Variants in TBCCD1 observed in about 807,000 individuals in gnomAD.
TBCCD1 encodes the protein TBCC domain-containing protein 1.
Under a neutral mutation model 53.4 loss-of-function variants are expected in TBCCD1, and 26 were observed. The ratio of observed to expected loss-of-function variants is 0.49; its 90% CI spans 0.36 to 0.68. The LOEUF is 0.68. Among genes scored for constraint, TBCCD1 ranks in the 30% least tolerant of loss-of-function variants. TBCCD1 has a pLI of 0.00. For synonymous variants in TBCCD1, 245 were observed against 241.7 expected, an observed-to-expected ratio of 1.01 and a Z score of -0.13; for missense variants, 558 against 669.5, an observed-to-expected ratio of 0.83 and a Z score of 1.84.
chr3:186,547,065 ATAGAT>A (rs1299564715), intron 7 of TBCCD1, 110 bp from the exon 8 acceptor site: 1 of 152,192 alleles, frequency 6.6e-6, no homozygotes, highest in Non-Finnish European at 1.5e-5. Context: ...AGGTCAAATG[ATAGAT>A]TAGAGTGATA....
chr3:186,561,040 G>T (rs1391432313), intron 2 of TBCCD1, among the ~76,000 whole-genome samples: 1 of 152,160 alleles, frequency 6.6e-6, no homozygotes, highest in African/African-American at 2.4e-5. Context: ...TAAGGAAAAA[G>T]CTCCTTGACA....
chr3:186,552,076 T>C (rs921658796), intron 6 of TBCCD1, among the ~76,000 whole-genome samples: 3 of 151,932 alleles, frequency 2.0e-5, no homozygotes, highest in Admixed American at 1.3e-4. Flanking sequence ...GGTGAAGGAA[T>C]AGCAATTCTG....
chr3:186,552,740 AAC>A (rs754491603), intron 6 of TBCCD1, among the ~76,000 whole-genome samples: 11 of 152,222 alleles, frequency 7.2e-5, no homozygotes, highest in Admixed American at 4.6e-4. Context: ...ACTGAGTTGA[AAC>A]ACAGTTTTCC....
chr3:186,566,010 G>A (rs1389918497), intron 1 of TBCCD1, among the ~76,000 whole-genome samples: 14 of 150,816 alleles, frequency 9.3e-5, no homozygotes, highest in Non-Finnish European at 1.9e-4. Context: ...ATTATATTTT[G>A]CATTTGATTC....
At chr3:186,556,107 AT>A (rs1165060419) in intron 4 of TBCCD1, among the ~76,000 whole-genome samples, 1 of 152,140 alleles carries the variant, frequency 6.6e-6, no homozygotes, top group Non-Finnish European at 1.5e-5. Flanking sequence ...TTTCTTGTTT[AT>A]TTTTATTACA....
At chr3:186,561,342 C>T (rs773184416) in intron 2 of TBCCD1, among the ~76,000 whole-genome samples, 5 of 152,146 alleles carry the variant, frequency 3.3e-5, no homozygotes, top group Non-Finnish European at 7.3e-5. Flanking sequence ...CGAAAAGGTG[C>T]TCAACATCAC....
At chr3:186,550,238 A>AAC (rs1553847753) in intron 7 of TBCCD1, among the ~76,000 whole-genome samples, 1 of 151,516 alleles carries the variant, frequency 6.6e-6, no homozygotes, top group African/African-American at 2.4e-5. Flanking sequence ...AAAAAAAAAA[A>AAC]AAAAAAAAAC....
intron 2 of TBCCD1, among the ~76,000 whole-genome samples, chr3:186,562,452 A>C (rs1714714615): frequency 6.6e-6 from 1 of 152,196 alleles, no homozygotes; most frequent in African/African-American, 2.4e-5. Context: ...AAAGCTATGT[A>C]ATCTCACTTA....
At chr3:186,569,579 A>G (rs1714949516), upstream of TBCCD1, among the ~76,000 whole-genome samples, 1 of 151,008 alleles carries the variant, frequency 6.6e-6, no homozygotes, top group Non-Finnish European at 1.5e-5. Flanking sequence ...TCGGCCTCGC[A>G]AAGTGCTGAT....
intron 3 of TBCCD1, among the ~76,000 whole-genome samples, chr3:186,557,605 T>C (rs1056755029): frequency 2.6e-5 from 4 of 152,140 alleles, no homozygotes; most frequent in African/African-American, 7.2e-5. Flanking sequence ...AAGAATTACA[T>C]TGAATGAATA....
Position 186,563,991 on chromosome 3 carries a change from T to C in TBCCD1, c.336+3A>G, listed in dbSNP as rs370813606. On this transcript the variant is annotated splice_donor_region_variant and intron_variant, in intron 2 of 7. Transcript: ENST00000338733. ...TTAAGTATACACACATATCAATCCG[T>C]ACCTGATTTCTCTGCTTTTCAACTT... is the stretch of plus-strand genomic sequence containing the variant. 4 of 1,603,622 alleles carry C rather than the reference T, an allele frequency of 2.5e-6. No homozygotes were observed. Among genetic ancestry groups the C allele is most frequent in the Non-Finnish European group, 3.4e-6 (4 of 1,174,902 alleles).
intron 2 of TBCCD1, among the ~76,000 whole-genome samples, chr3:186,561,653 G>A (rs1714692517): frequency 6.6e-6 from 1 of 152,196 alleles, no homozygotes; most frequent in Admixed American, 6.5e-5. Context: ...GCCGGGCATG[G>A]TGGTGGGTGC....
intron 2 of TBCCD1, 86 bp downstream of exon 2, chr3:186,563,908 T>C (rs1269027194): frequency 6.3e-6 from 9 of 1,432,212 alleles, no homozygotes; most frequent in South Asian, 4.3e-5. Flanking sequence ...TATCTAAAAA[T>C]TGTAATAAGC....
chr3:186,565,473 A>G (rs1714802293), intron 1 of TBCCD1, among the ~76,000 whole-genome samples: 1 of 152,218 alleles, frequency 6.6e-6, no homozygotes, highest in Non-Finnish European at 1.5e-5. Context: ...TTGTGATGTT[A>G]CATACACAAT....
At chr3:186,548,154 T>G (rs961861454) in intron 7 of TBCCD1, among the ~76,000 whole-genome samples, 1 of 151,600 alleles carries the variant, frequency 6.6e-6, no homozygotes, top group African/African-American at 2.4e-5. Flanking sequence ...ATAAACAAAA[T>G]GGTAGATCCA....
At chr3:186,551,426 C>G (rs1218461900) in intron 6 of TBCCD1, 147 bp from the exon 7 acceptor site, 2 of 766,920 alleles carry the variant, frequency 2.6e-6, no homozygotes, top group East Asian at 2.8e-5. Flanking sequence ...TCAGAGTACA[C>G]TGGACACCCC....
chr3:186,546,085 T>C lies in TBCCD1; in HGVS notation c.*892A>G, dbSNP rs946994699. On this transcript the variant is annotated 3_prime_UTR_variant, in exon 8 of 8. Coordinates refer to ENST00000338733, the MANE Select transcript of TBCCD1 (RefSeq NM_018138.5). The stretch of plus-strand genomic sequence containing the variant: ...GAAATTATTCTTTAGAGTTTGTTTA[T>C]TGAAAATTTGAAGCAGGAAGTGAAA... 3 of 152,230 alleles carry C rather than the reference T, an allele frequency of 2.0e-5. No homozygotes were observed. The highest frequency in any genetic ancestry group is 7.2e-5 in the African/African-American group (3 of 41,458). The allele number at this position is 152,230 out of a possible 1,614,324, so 9.4% of individuals were successfully genotyped here.
chr3:186,570,170 G>A (rs1002062422), upstream of TBCCD1: 1 of 701,110 alleles, frequency 1.4e-6, no homozygotes, highest in Non-Finnish European at 2.6e-6. Context: ...TAGCCTTTCC[G>A]AGACAGTTGT....
At chr3:186,568,829 G>A (rs1003741623), upstream of TBCCD1, among the ~76,000 whole-genome samples, 3 of 151,826 alleles carry the variant, frequency 2.0e-5, no homozygotes, top group Admixed American at 1.3e-4. Flanking sequence ...CTTGAACCCA[G>A]GAGGCGGAGG....
Sources: allele counts gnomAD v4.1 joint callset (sites outside exome capture counted in the v4.1 genomes callset), GRCh38; gene constraint gnomAD v4.1.1; transcripts MANE v1.5; gene names NCBI Gene and HGNC (gene_info 2026-07-23, HGNC 2026-07-21).